NXPE2: variants seen among roughly 807,000 people sequenced by gnomAD.
NXPE2 encodes the protein neurexophilin and PC-esterase domain family member 2, also known as NXPE family member 2.
In NXPE2, 34 loss-of-function variants were observed where a neutral mutation model predicts 34.4. The ratio of observed to expected loss-of-function variants is 0.99; its 90% CI spans 0.75 to 1.31. The LOEUF is 1.31. NXPE2 is among the 40% of genes most tolerant of loss of function. The pLI is 0.00. For synonymous variants in NXPE2, 235 were observed against 231.3 expected (o/e 1.02, Z -0.15); for missense variants, 649 against 672.5 (o/e 0.97, Z 0.39).
chr11:114,639,527 G>T, the NXPE2 span, among the ~76,000 whole-genome samples: 1 of 151,248 alleles, frequency 6.6e-6, no homozygotes, highest in Non-Finnish European at 1.5e-5. Flanking sequence ...TGGTACCTCA[G>T]GTGGAAATGC....
At chr11:114,525,624 C>T in the NXPE2 span, among the ~76,000 whole-genome samples, 22 of 152,106 alleles carry the variant, frequency 1.4e-4, no homozygotes, top group African/African-American at 5.3e-4. Context: ...CCTGTTTTTC[C>T]CTTCTGTGCA....
chr11:114,530,293 G>A, the NXPE2 span: 1 of 1,614,052 alleles, frequency 6.2e-7, no homozygotes, highest in Non-Finnish European at 8.5e-7. Flanking sequence ...AAGGCTTCTT[G>A]GTCTCTGTCA....
the NXPE2 span, among the ~76,000 whole-genome samples, chr11:114,796,185 A>C: frequency 6.6e-6 from 1 of 152,176 alleles, no homozygotes; most frequent in Non-Finnish European, 1.5e-5. Context: ...GCATTTAAAA[A>C]ATTTATTTTA....
chr11:114,565,289 T>TAA, the NXPE2 span, among the ~76,000 whole-genome samples: 3,036 of 152,308 alleles, frequency 0.02, 89 homozygotes, highest in African/African-American at 0.066. Flanking sequence ...CGTGTCTTTA[T>TAA]TGTAGGCCAT....
the NXPE2 span, among the ~76,000 whole-genome samples, chr11:114,794,201 C>T: frequency 6.6e-6 from 1 of 152,132 alleles, no homozygotes; most frequent in Admixed American, 6.6e-5. Flanking sequence ...TCATTTCCAG[C>T]CACTTCTCCT....
At chr11:114,792,995 T>C in the NXPE2 span, among the ~76,000 whole-genome samples, 3 of 152,188 alleles carry the variant, frequency 2.0e-5, no homozygotes, top group Non-Finnish European at 2.9e-5. Flanking sequence ...CATATCCTGC[T>C]TCACCTTTGC....
chr11:114,755,031 A>G, the NXPE2 span, among the ~76,000 whole-genome samples: 1 of 152,206 alleles, frequency 6.6e-6, no homozygotes, highest in Admixed American at 6.5e-5. Context: ...TGCAATGTGG[A>G]GGTCATTGAT....
the NXPE2 span, among the ~76,000 whole-genome samples, chr11:114,514,968 TAAGG>T: frequency 6.6e-6 from 1 of 152,116 alleles, no homozygotes; most frequent in African/African-American, 2.4e-5. Context: ...CTAAAAATGT[TAAGG>T]AAGTATCTTC....
At chr11:114,700,453 C>G (rs1951344380) in intron 3 of NXPE2, among the ~76,000 whole-genome samples, 1 of 151,946 alleles carries the variant, frequency 6.6e-6, no homozygotes, top group Non-Finnish European at 1.5e-5. Context: ...GGAATAGGAC[C>G]TGAGGCAAGA....
chr11:114,715,020 C>CAATA, the NXPE2 span, among the ~76,000 whole-genome samples: 240 of 152,046 alleles, frequency 1.6e-3, no homozygotes, highest in Middle Eastern at 6.8e-3. Flanking sequence ...GACTCTGTGT[C>CAATA]AATAAATAAA....
chr11:114,684,505 C>T (rs1951008410), intron 2 of NXPE2, among the ~76,000 whole-genome samples: 1 of 152,088 alleles, frequency 6.6e-6, no homozygotes, highest in South Asian at 2.1e-4. Flanking sequence ...TAGTCTGTGA[C>T]ATTTCCTTGG....
At chr11:114,685,734 T>C (rs1336102174) in intron 2 of NXPE2, among the ~76,000 whole-genome samples, 1 of 152,168 alleles carries the variant, frequency 6.6e-6, no homozygotes, top group Non-Finnish European at 1.5e-5. Context: ...TTGTCCCTGC[T>C]ACTACTATTT....
At chr11:114,465,394 A>T in the NXPE2 span, among the ~76,000 whole-genome samples, 1 of 152,214 alleles carries the variant, frequency 6.6e-6, no homozygotes, top group Non-Finnish European at 1.5e-5. Flanking sequence ...GCTGCAAAAG[A>T]ATAATACCAT....
At chr11:114,731,207 T>A in the NXPE2 span, among the ~76,000 whole-genome samples, 1 of 151,882 alleles carries the variant, frequency 6.6e-6, no homozygotes, top group Non-Finnish European at 1.5e-5. Context: ...TATTTAAAAT[T>A]AAAAAAATAG....
chr11:114,805,693 C>G, the NXPE2 span, among the ~76,000 whole-genome samples: 1 of 152,194 alleles, frequency 6.6e-6, no homozygotes, highest in Admixed American at 6.5e-5. Flanking sequence ...ACAAAGCAGC[C>G]GGGAAGCTTG....
the NXPE2 span, among the ~76,000 whole-genome samples, chr11:114,729,174 T>C: frequency 6.6e-6 from 1 of 152,146 alleles, no homozygotes; most frequent in South Asian, 2.1e-4. Context: ...TGGTATTTGG[T>C]TTTCTGTTCC....
chr11:114,467,960 C>CA, the NXPE2 span, among the ~76,000 whole-genome samples: 1 of 151,264 alleles, frequency 6.6e-6, no homozygotes, highest in Non-Finnish European at 1.5e-5. Context: ...AACAAAAAAA[C>CA]AAAAAAACAG....
chr11:114,668,748 G>A, the NXPE2 span, among the ~76,000 whole-genome samples: 2 of 152,052 alleles, frequency 1.3e-5, no homozygotes, highest in Non-Finnish European at 2.9e-5. Context: ...AGTGAATATT[G>A]TAAATATAGA....
the NXPE2 span, among the ~76,000 whole-genome samples, chr11:114,541,669 G>T: frequency 3.9e-5 from 6 of 152,244 alleles, no homozygotes; most frequent in Non-Finnish European, 8.8e-5. Flanking sequence ...ATTTGAAGTG[G>T]GGGGGATGGT....
Sources: allele counts gnomAD v4.1 joint callset (sites outside exome capture counted in the v4.1 genomes callset), GRCh38; gene constraint gnomAD v4.1.1; transcripts MANE v1.5; gene names NCBI Gene and HGNC (gene_info 2026-07-23, HGNC 2026-07-21).